KAZN: variants seen among roughly 807,000 people sequenced by gnomAD.
KAZN encodes kazrin.
Under a neutral mutation model 87.4 loss-of-function variants are expected in KAZN, and 40 were observed. The ratio of observed to expected loss-of-function variants is 0.46; its 90% confidence interval spans 0.36 to 0.60. The LOEUF (loss-of-function observed/expected upper bound fraction) is 0.60. Among genes scored for constraint, KAZN ranks in the 20% least tolerant of loss-of-function variants. KAZN has a pLI of 0.00. For missense variants in KAZN, 898 were observed against 1,073.9 expected (o/e 0.84, Z 2.29); for synonymous variants, 466 against 458.3 (o/e 1.02, Z -0.22).
chr1:14,317,676 C>T (rs1655752047), intron 2 of KAZN, among the ~76,000 whole-genome samples: 1 of 151,588 alleles, frequency 6.6e-6, no homozygotes, highest in South Asian at 2.1e-4. Flanking sequence ...TCATTATTGA[C>T]CTATTAGCTA....
intron 2 of KAZN, among the ~76,000 whole-genome samples, chr1:14,354,496 A>G (rs1004201832): frequency 2.6e-5 from 4 of 152,220 alleles, no homozygotes; most frequent in Non-Finnish European, 4.4e-5. Flanking sequence ...ACAAATGAGC[A>G]AAATACTTGA....
chr1:14,399,855 C>T (rs1240068482), intron 2 of KAZN, among the ~76,000 whole-genome samples: 3 of 152,156 alleles, frequency 2.0e-5, no homozygotes, highest in Non-Finnish European at 4.4e-5. Flanking sequence ...GTGACTCTCT[C>T]CTGTCTCCAA....
At chr1:14,466,673 A>AG (rs534371814) in intron 2 of KAZN, among the ~76,000 whole-genome samples, 2,248 of 141,684 alleles carry the variant, frequency 0.016, 20 homozygotes, top group East Asian at 0.038. Flanking sequence ...AAAAAAAAAA[A>AG]AAGAAGAAGA....
chr1:14,694,938 A>G (rs750501411), intron 1 of KAZN, among the ~76,000 whole-genome samples: 1 of 152,206 alleles, frequency 6.6e-6, no homozygotes, highest in East Asian at 1.9e-4. Flanking sequence ...TTTGCCTTAT[A>G]TCGGAGGTCA....
chr1:13,986,815 C>T (rs955843599), intron 1 of KAZN, among the ~76,000 whole-genome samples: 3 of 152,226 alleles, frequency 2.0e-5, no homozygotes, highest in Non-Finnish European at 2.9e-5. Context: ...CGTGTCTAGA[C>T]AGCAGTGCCA....
intron 2 of KAZN, among the ~76,000 whole-genome samples, chr1:14,196,491 A>G (rs1399850874): frequency 1.3e-5 from 2 of 152,092 alleles, no homozygotes. Flanking sequence ...TTGTTGATAT[A>G]TAGGATGGGA....
intron 2 of KAZN, among the ~76,000 whole-genome samples, chr1:14,424,098 C>T (rs1251996100): frequency 6.6e-6 from 1 of 152,162 alleles, no homozygotes; most frequent in Non-Finnish European, 1.5e-5. Flanking sequence ...CTAACACAAT[C>T]CACAGAGTCC....
intron 2 of KAZN, among the ~76,000 whole-genome samples, chr1:14,412,294 C>T (rs1043356905): frequency 6.6e-6 from 1 of 152,164 alleles, no homozygotes; most frequent in Non-Finnish European, 1.5e-5. Flanking sequence ...TCTATATGCT[C>T]TATGCTTTTA....
intron 2 of KAZN, among the ~76,000 whole-genome samples, chr1:15,008,133 T>C (rs1193539606): frequency 2.0e-5 from 3 of 152,090 alleles, no homozygotes; most frequent in Non-Finnish European, 4.4e-5. Context: ...GGGTAGCTGC[T>C]CCCCCTGGAA....
chr1:14,673,144 AGG>A (rs1640014051), intron 1 of KAZN, among the ~76,000 whole-genome samples: 1 of 152,206 alleles, frequency 6.6e-6, no homozygotes, highest in African/African-American at 2.4e-5. Context: ...TCACAGCTGG[AGG>A]TTACAGGGCA....
At chr1:14,766,015 G>A (rs1442410475) in intron 1 of KAZN, among the ~76,000 whole-genome samples, 1 of 152,202 alleles carries the variant, frequency 6.6e-6, no homozygotes, top group Non-Finnish European at 1.5e-5. Context: ...CCAACCTTGA[G>A]ATGATGACTC....
intron 2 of KAZN, among the ~76,000 whole-genome samples, chr1:14,994,073 T>C (rs1667632584): frequency 6.6e-6 from 1 of 152,188 alleles, no homozygotes; most frequent in Admixed American, 6.5e-5. Context: ...TCTGCTTTGA[T>C]CCCTGGGCCC....
At position 14,735,546 on chromosome 1, in the gene KAZN, G is replaced by T. The variant is rs1643875748; in HGVS notation, c.226+136323G>T. Reference sequence around the variant, plus strand: ...CCTCGCTGGTAGCCAGGCTCAGAGAGAATGTGCTAAACCCCACACACCTAA... The same window carrying T: ...CCTCGCTGGTAGCCAGGCTCAGAGATAATGTGCTAAACCCCACACACCTAA... On this transcript the variant is annotated intron_variant, in intron 1 of 14. Coordinates refer to ENST00000376030, the MANE Select transcript of KAZN (RefSeq NM_201628.3). This position sits in a 1 kb window ranked among gnomAD's most constrained non-coding sequence, Gnocchi z 4.3. Among the ~76,000 whole-genome samples the T allele has an allele frequency of 6.6e-6, 1 of 152,138 alleles. No homozygotes were observed. The highest frequency in any genetic ancestry group is 2.1e-4 in the South Asian group (1 of 4,826).
At chr1:15,049,337 C>T (rs1021073016) in intron 4 of KAZN, among the ~76,000 whole-genome samples, 1 of 152,238 alleles carries the variant, frequency 6.6e-6, no homozygotes, top group African/African-American at 2.4e-5. Flanking sequence ...GGGAAATGCT[C>T]TTCAGTTTAC....
intron 4 of KAZN, among the ~76,000 whole-genome samples, chr1:15,054,600 C>T (rs1001077173): frequency 6.6e-6 from 1 of 150,726 alleles, no homozygotes; most frequent in African/African-American, 2.4e-5. Context: ...TGCAGTAAAC[C>T]GAGATCGCGC....
intron 1 of KAZN, among the ~76,000 whole-genome samples, chr1:13,994,733 A>C (rs2101120833): frequency 6.6e-6 from 1 of 152,250 alleles, no homozygotes; most frequent in African/African-American, 2.4e-5. Context: ...TGAGGAAGTT[A>C]CCCTCAAGCA....
At chr1:14,400,499 T>G (rs1663309221) in intron 2 of KAZN, among the ~76,000 whole-genome samples, 1 of 152,084 alleles carries the variant, frequency 6.6e-6, no homozygotes, top group East Asian at 1.9e-4. Flanking sequence ...AGATCTGGGA[T>G]CAGAACCCAG....
intron 2 of KAZN, among the ~76,000 whole-genome samples, chr1:14,299,233 T>C (rs1157434940): frequency 1.3e-5 from 2 of 152,176 alleles, no homozygotes; most frequent in Admixed American, 6.5e-5. Context: ...CCAAGTGTGG[T>C]GGTTCATGCC....
At position 14,163,858 on chromosome 1, in the gene KAZN, G is replaced by A. The variant is rs556932769; in HGVS notation, c.92-16577G>A. Among the ~76,000 whole-genome samples the A allele has an allele frequency of 1.8e-4, 27 of 152,250 alleles. No homozygotes were observed. In the South Asian group the frequency reaches 4.8e-3, roughly 27 times the overall value. On this transcript the variant is annotated intron_variant, in intron 1 of 16. Transcript: ENST00000636203. ...TAGTATTGTTAAATTCTGCCGTTAC[G>A]TAGCAAGAACCTTCTGTCCTCTACT... is the stretch of plus-strand genomic sequence containing the variant.
Sources: allele counts gnomAD v4.1 joint callset (sites outside exome capture counted in the v4.1 genomes callset), GRCh38; gene constraint gnomAD v4.1.1; non-coding constraint Gnocchi (gnomAD v3.1); transcripts MANE v1.5; gene names NCBI Gene and HGNC (gene_info 2026-07-23, HGNC 2026-07-21).